The following PCDH15 variants were observed in gnomAD, a reference collection of about 807,000 sequenced individuals.
PCDH15 encodes the protein protocadherin-15.
In PCDH15, 129 loss-of-function variants were observed where a neutral mutation model predicts 178.5. The observed-to-expected ratio is 0.72, with a 90% CI of 0.63 to 0.84. The LOEUF (loss-of-function observed/expected upper bound fraction) is 0.84, where lower values mean the gene tolerates loss of function less well. Ranked by LOEUF, PCDH15 falls within the 40% of genes least tolerant of loss-of-function variation. The probability of loss-of-function intolerance (pLI) is 0.00; values close to 1 mark genes in which losing one functional copy is unlikely to be tolerated. For synonymous variants in PCDH15, 800 were observed against 732.0 expected, an observed-to-expected ratio of 1.09 and a Z score of -1.50; for missense variants, 2,230 against 2,099.9, an observed-to-expected ratio of 1.06 and a Z score of -1.21.
At chr10:53,938,271 T>C (rs1479627955) in intron 25 of PCDH15, among the ~76,000 whole-genome samples, 3 of 152,086 alleles carry the variant, frequency 2.0e-5, no homozygotes, top group Non-Finnish European at 4.4e-5. Context: ...TTTTAATTAT[T>C]AACAAAATCT....
At chr10:54,786,674 G>C (rs901354483) in intron 1 of PCDH15, among the ~76,000 whole-genome samples, 3 of 151,918 alleles carry the variant, frequency 2.0e-5, no homozygotes, top group African/African-American at 7.2e-5. Context: ...GGTATGCTTT[G>C]TGGAATAGGA....
At chr10:54,006,936 G>A (rs1250821607) in intron 20 of PCDH15, among the ~76,000 whole-genome samples, 7 of 152,128 alleles carry the variant, frequency 4.6e-5, no homozygotes, top group African/African-American at 1.2e-4. Context: ...CTAGTCTCCC[G>A]TCTTCACAGA....
intron 2 of PCDH15, among the ~76,000 whole-genome samples, chr10:55,464,013 GAAAGAAA>G (rs2132097699): frequency 2.0e-5 from 2 of 99,702 alleles, no homozygotes; most frequent in African/African-American, 3.8e-5. Flanking sequence ...AAGAAAGAAA[GAAAGAAA>G]GAAAGAAAGA....
chr10:54,884,051 G>A (rs1325720789), intron 3 of PCDH15, among the ~76,000 whole-genome samples: 4 of 152,104 alleles, frequency 2.6e-5, no homozygotes, highest in African/African-American at 2.4e-5. Flanking sequence ...ACTACAGTGA[G>A]GTAATATCAT....
At chr10:54,778,614 T>C (rs867457287) in intron 1 of PCDH15, among the ~76,000 whole-genome samples, 1 of 152,162 alleles carries the variant, frequency 6.6e-6, no homozygotes, top group South Asian at 2.1e-4. Flanking sequence ...TGGTAAATCA[T>C]TGTGAAGTAA....
chr10:55,527,341 C>A (rs2132058892), intron 2 of PCDH15, among the ~76,000 whole-genome samples: 1 of 152,198 alleles, frequency 6.6e-6, no homozygotes, highest in African/African-American at 2.4e-5. Flanking sequence ...TGCCTCTTGC[C>A]TACCTTCTGG....
chr10:55,353,768 A>G (rs1588947121), intron 2 of PCDH15, among the ~76,000 whole-genome samples: 3 of 152,158 alleles, frequency 2.0e-5, no homozygotes, highest in Admixed American at 1.3e-4. Flanking sequence ...TAAAGCACAC[A>G]ACAGTACAAA....
At chr10:54,239,444 T>C (rs2055008414) in intron 8 of PCDH15, among the ~76,000 whole-genome samples, 1 of 141,594 alleles carries the variant, frequency 7.1e-6, no homozygotes, top group Non-Finnish European at 1.5e-5. Flanking sequence ...GAGTAAGAAC[T>C]GAAGAACTAA....
intron 2 of PCDH15, among the ~76,000 whole-genome samples, chr10:55,387,347 C>A (rs1192869112): frequency 6.6e-5 from 10 of 152,026 alleles, no homozygotes; most frequent in Admixed American, 6.6e-4. Context: ...CCACTCTCAC[C>A]AGCTTCGATC....
rs551990193 is a variant in PCDH15 at position 54,570,538 on chromosome 10, TC to T, written c.92-42662del. Among the ~76,000 whole-genome samples the T allele has an allele frequency of 5.5e-3, 838 of 152,308 alleles. 8 individuals carry two copies. Among genetic ancestry groups the T allele is most frequent in the African/African-American group, 0.019 (775 of 41,572 alleles). ...TGATAAACTATTTCTTGTGGGATTT[TC>T]ACATTGGATTTCTATTTTTTAAATA... On this transcript the variant is annotated intron_variant, in intron 2 of 37. Coordinates refer to ENST00000644397, the MANE Select transcript of PCDH15 (RefSeq NM_001384140.1).
At chr10:54,234,129 CTT>C (rs1491549182) in intron 9 of PCDH15, among the ~76,000 whole-genome samples, 2,570 of 109,916 alleles carry the variant, frequency 0.023, 64 homozygotes, top group African/African-American at 0.084. Flanking sequence ...TGGATATCCC[CTT>C]CTGTGTGTGT....
intron 7 of PCDH15, among the ~76,000 whole-genome samples, chr10:54,322,927 T>C (rs2061701882): frequency 6.6e-6 from 1 of 151,386 alleles, no homozygotes; most frequent in Non-Finnish European, 1.5e-5. Context: ...AAACAGAAAA[T>C]GGAAAGAATG....
At chr10:54,115,666 G>A (rs1459140041) in intron 15 of PCDH15, among the ~76,000 whole-genome samples, 2 of 152,156 alleles carry the variant, frequency 1.3e-5, no homozygotes, top group Non-Finnish European at 1.5e-5. Context: ...GCTTTACTTG[G>A]ACTGCACTGA....
At chr10:54,879,182 TTG>T (rs5785100) in intron 3 of PCDH15, among the ~76,000 whole-genome samples, 45 of 149,012 alleles carry the variant, frequency 3.0e-4, no homozygotes, top group East Asian at 1.2e-3. Flanking sequence ...CACGTGCTGT[TTG>T]TGTGTGTGTG....
intron 2 of PCDH15, chr10:55,599,338 A>G (rs1342250600): frequency 6.6e-6 from 1 of 152,154 alleles, no homozygotes; most frequent in Non-Finnish European, 1.5e-5. Context: ...TAACCTACAG[A>G]ATTACTTAAT....
intron 1 of PCDH15, among the ~76,000 whole-genome samples, chr10:55,302,054 C>T (rs906233824): frequency 6.6e-6 from 1 of 152,052 alleles, no homozygotes; most frequent in Admixed American, 6.6e-5. Context: ...ATTGTTTCAG[C>T]TGTGTTAGTT....
Position 54,195,827 on chromosome 10 carries a change from A to T in PCDH15, c.1161T>A (p.Asp387Glu), listed in dbSNP as rs769114409. 1.4e-5 allele frequency: 22 copies of T among 1,613,938 alleles called. No individual in the cohort carries two copies. The highest frequency in any genetic ancestry group is 1.5e-5 in the Non-Finnish European group (18 of 1,179,968). ...AFAGLHIEIL[D>E]ENNQSPYFTM... ...TAAAATATGGACTTTGATTGTTTTCATCCAGTATTTCAATGTGTAGACCGG... is the reference window on the plus strand; with the variant it reads ...TAAAATATGGACTTTGATTGTTTTCTTCCAGTATTTCAATGTGTAGACCGG... The change falls in exon 11 of 38, where the codon GAT becomes GAA. Residue 387 changes from aspartate to glutamate, a missense_variant. Transcript: ENST00000644397.
At chr10:55,575,579 GATTT>G (rs1842481006) in intron 2 of PCDH15, 1 of 152,090 alleles carries the variant, frequency 6.6e-6, no homozygotes, top group African/African-American at 2.4e-5. Context: ...TTTCAGAGTA[GATTT>G]ATTTCTAATT....
At chr10:53,974,077 G>A (rs1336460862) in intron 21 of PCDH15, among the ~76,000 whole-genome samples, 1 of 152,114 alleles carries the variant, frequency 6.6e-6, no homozygotes, top group African/African-American at 2.4e-5. Flanking sequence ...GAAGGCAGTG[G>A]CGTGATCTTG....
Sources: allele counts gnomAD v4.1 joint callset (sites outside exome capture counted in the v4.1 genomes callset), GRCh38; gene constraint gnomAD v4.1.1; transcripts MANE v1.5; gene names NCBI Gene and HGNC (gene_info 2026-07-23, HGNC 2026-07-21).